The following CNGB1 variants were observed in gnomAD, a reference collection of about 807,000 sequenced individuals.
CNGB1 encodes cyclic nucleotide gated channel subunit beta 1.
CNGB1 carries 126 observed loss-of-function variants against 151.7 expected under a neutral mutation model. The observed-to-expected ratio is 0.83, with a 90% CI of 0.72 to 0.96. The LOEUF is 0.96. Among genes scored for constraint, CNGB1 ranks in the 40% least tolerant of loss-of-function variants. The pLI, the probability that CNGB1 is intolerant of heterozygous loss-of-function variation, is 0.00. For synonymous variants in CNGB1, 623 were observed against 635.1 expected, an observed-to-expected ratio of 0.98 and a Z score of 0.29; for missense variants, 1,698 against 1,627.0, an observed-to-expected ratio of 1.04 and a Z score of -0.75.
chr16:57,917,405 G>T lies in CNGB1; in HGVS notation c.2029C>A (p.Arg677Ser). Reference protein sequence around the residue: ...WNWNCWLIPVRWAFPYQTPDN... With the variant: ...WNWNCWLIPVSWAFPYQTPDN... ...GGGGTCTGGTAGGGGAAGGCCCAGC[G>T]CACGGGAATCAGCCAACAGTTCCAA... is the stretch of plus-strand genomic sequence containing the variant. The change falls in exon 21 of 33, where the codon CGC (arginine) becomes AGC (serine). Residue 677 changes from arginine (R) to serine (S), a missense_variant. By Grantham distance (110) the Arg-to-Ser change is moderately radical (BLOSUM62 -1). Coordinates refer to ENST00000251102, the MANE Select transcript of CNGB1 (RefSeq NM_001297.5). 6.2e-7 allele frequency: 1 copy of T among 1,614,088 alleles called. No individual in the cohort carries two copies. Among genetic ancestry groups the T allele is most frequent in the Non-Finnish European group, 8.5e-7 (1 of 1,180,026 alleles).
intron 27 of CNGB1, 57 bp from the exon 28 acceptor site, chr16:57,901,682 C>G: frequency 6.9e-6 from 10 of 1,442,392 alleles, no homozygotes; most frequent in Non-Finnish European, 9.7e-6. Flanking sequence ...CCCAGACATA[C>G]ATACCGGCCA....
At position 57,931,752 on chromosome 16, in the gene CNGB1, G is replaced by A; in HGVS notation, c.1499C>T (p.Thr500Ile). Reference protein sequence around the residue: ...LPPPSPAKSDTLIVPSSASGT... With the variant: ...LPPPSPAKSDILIVPSSASGT... ...CGAGGCTGAGCTTGGGACTATAAGG[G>A]TGTCTGATTTGGCAGGAGACGGTGG... Residue 500 changes from threonine (T) to isoleucine (I), a missense_variant, in exon 17 of 33, where the codon ACC (threonine) becomes ATC (isoleucine). Coordinates refer to ENST00000251102, the MANE Select transcript of CNGB1 (RefSeq NM_001297.5). 1 of 1,614,186 alleles carries A rather than the reference G, an allele frequency of 6.2e-7. No individual in the cohort carries two copies. The highest frequency in any genetic ancestry group is 1.6e-4 in the Middle Eastern group (1 of 6,062).
intron 17 of CNGB1, among the ~76,000 whole-genome samples, chr16:57,931,384 G>T (rs1961344052): frequency 1.3e-5 from 2 of 151,904 alleles, no homozygotes; most frequent in Admixed American, 6.6e-5. Flanking sequence ...TAAACTCCTG[G>T]CCTCAAACGA....
Position 57,884,151 on chromosome 16 carries a change from G to C in CNGB1, c.*13C>G. ...CCTGCTGGAACTGCGCGCGGGATCC[G>C]CCTCACCCCACCTTACTCCGCCTTC... On this transcript the variant is annotated 3_prime_UTR_variant, in exon 33 of 33. Transcript: ENST00000251102. The C allele has an allele frequency of 1.2e-6, 2 of 1,613,988 alleles. No individual in the cohort carries two copies. The highest frequency in any genetic ancestry group is 3.3e-4 in the Middle Eastern group (2 of 6,062).
At chr16:57,904,131 C>T (rs1159613692) in intron 26 of CNGB1, 150 bp from the exon 27 acceptor site, 3 of 695,336 alleles carry the variant, frequency 4.3e-6, no homozygotes, top group Non-Finnish European at 5.1e-6. Context: ...TGTCCTCACA[C>T]AGAGAAAGTT....
chr16:57,962,818 AGCCATCCT>A lies in CNGB1; in HGVS notation c.412+16_412+23del. On this transcript the variant is annotated intron_variant, in intron 6 of 32. Coordinates refer to ENST00000251102, the MANE Select transcript of CNGB1 (RefSeq NM_001297.5). Reference sequence around the variant, plus strand: ...CAGCCCCTCAGCCCTGCTGCTGAAAAGCCATCCTGCCCCTTGTTCTTACCTGTGTCCCC... The same window carrying A: ...CAGCCCCTCAGCCCTGCTGCTGAAAAGCCCCTTGTTCTTACCTGTGTCCCC... 1 of 1,612,596 alleles carries A rather than the reference AGCCATCCT, an allele frequency of 6.2e-7. No individual in the cohort carries two copies. Among genetic ancestry groups the A allele is most frequent in the Non-Finnish European group, 8.5e-7 (1 of 1,179,952 alleles).
At chr16:57,905,657 G>A (rs905797862) in intron 25 of CNGB1, among the ~76,000 whole-genome samples, 3 of 152,270 alleles carry the variant, frequency 2.0e-5, no homozygotes, top group Admixed American at 2.0e-4. Context: ...GCGCCGTTTA[G>A]GCTGCGAGGG....
chr16:57,965,496 T>C (rs1567400425), intron 2 of CNGB1, among the ~76,000 whole-genome samples: 1 of 152,170 alleles, frequency 6.6e-6, no homozygotes, highest in Non-Finnish European at 1.5e-5. Flanking sequence ...TACACACATA[T>C]GCTCAGTCAC....
At chr16:57,942,110 G>A (rs559527192) in intron 14 of CNGB1, among the ~76,000 whole-genome samples, 11 of 152,208 alleles carry the variant, frequency 7.2e-5, no homozygotes, top group Non-Finnish European at 1.5e-4. Flanking sequence ...TCAAACTCCT[G>A]GGCTCAAGTG....
At chr16:57,958,704 TC>T (rs1329006942) in intron 10 of CNGB1, among the ~76,000 whole-genome samples, 4 of 149,438 alleles carry the variant, frequency 2.7e-5, no homozygotes, top group African/African-American at 9.9e-5. Flanking sequence ...TAGCTCGGCC[TC>T]CCCCCACCCT....
In CNGB1 at chr16:57,884,319, G is replaced by A; in HGVS notation, c.3601C>T (p.Pro1201Ser). The change falls in exon 33 of 33, where the codon CCG becomes TCG. Residue 1201 changes from proline to serine, a missense_variant. Physicochemically the swap from Pro to Ser is moderately conservative, Grantham distance 74 (BLOSUM62 -1). Transcript: ENST00000251102. Reference sequence around the variant, plus strand: ...TCCGGCCTCCCAAGGGAGGCAGGCGGTGGAGAGCTCGGTGGAGACCCCGGG... The same window carrying A: ...TCCGGCCTCCCAAGGGAGGCAGGCGATGGAGAGCTCGGTGGAGACCCCGGG... The part of the protein sequence containing the change: ...EPPGSPPSSP[P>S]PASLGRPEGE... The A allele has an allele frequency of 6.2e-7, 1 of 1,612,166 alleles. No homozygotes were observed. The highest frequency in any genetic ancestry group is 8.5e-7 in the Non-Finnish European group (1 of 1,179,456).
At chr16:57,889,038 G>C (rs2149352304) in intron 31 of CNGB1, among the ~76,000 whole-genome samples, 1 of 152,272 alleles carries the variant, frequency 6.6e-6, no homozygotes, top group Middle Eastern at 3.4e-3. Context: ...GAGGATGGGT[G>C]GGGTACGTGT....
intron 13 of CNGB1, among the ~76,000 whole-genome samples, chr16:57,950,109 G>A (rs1309399088): frequency 6.6e-6 from 1 of 152,198 alleles, no homozygotes; most frequent in Non-Finnish European, 1.5e-5. Flanking sequence ...ATAAATACAG[G>A]AAGGTGTAGA....
intron 29 of CNGB1, among the ~76,000 whole-genome samples, chr16:57,899,606 C>T (rs2149356528): frequency 6.6e-6 from 1 of 152,154 alleles, no homozygotes; most frequent in Non-Finnish European, 1.5e-5. Context: ...TGCCACTGCA[C>T]TCCACCCTGG....
intron 16 of CNGB1, chr16:57,937,184 G>A (rs747979915): frequency 5.2e-5 from 8 of 152,702 alleles, no homozygotes; most frequent in Non-Finnish European, 1.0e-4. Flanking sequence ...GCGGGTGATT[G>A]GGATGCGGTA....
chr16:57,905,764 C>T (rs761143840), intron 25 of CNGB1, among the ~76,000 whole-genome samples: 3 of 152,266 alleles, frequency 2.0e-5, no homozygotes, highest in East Asian at 1.9e-4. Flanking sequence ...ACGAGGACAG[C>T]ATTCCTCTCC....
At chr16:57,901,950 A>G (rs1416334953) in intron 27 of CNGB1, among the ~76,000 whole-genome samples, 1 of 152,192 alleles carries the variant, frequency 6.6e-6, no homozygotes, top group Non-Finnish European at 1.5e-5. Context: ...CGCTGTTGCA[A>G]TTATTGGTCA....
chr16:57,901,065 G>A (rs1390872678), intron 29 of CNGB1, among the ~76,000 whole-genome samples: 8 of 152,060 alleles, frequency 5.3e-5, no homozygotes, highest in African/African-American at 1.7e-4. Context: ...GAGTTGGGGG[G>A]GGGGTCTTTG....
At chr16:57,911,693 G>A (rs530382203) in intron 25 of CNGB1, 60 bp downstream of exon 25, 15 of 1,607,850 alleles carry the variant, frequency 9.3e-6, no homozygotes, top group Admixed American at 3.3e-5. Flanking sequence ...TCTGTGCTGC[G>A]AATTATAAAG....
Sources: gnomAD v4.1 joint callset for allele counts (sites outside exome capture counted in the v4.1 genomes callset) on GRCh38, gnomAD v4.1.1 for gene constraint, MANE v1.5 for transcripts, NCBI Gene and HGNC (gene_info 2026-07-23, HGNC 2026-07-21) for gene names.